The following MBNL1 variants were observed in gnomAD, a reference collection of about 807,000 sequenced individuals.
MBNL1 encodes the protein muscleblind-like protein 1.
In MBNL1, 8 loss-of-function variants were observed where a neutral mutation model predicts 42.2. The observed-to-expected ratio is 0.19, with a 90% CI of 0.11 to 0.34. The LOEUF is 0.34. MBNL1 is among the 10% of genes least tolerant of loss of function. MBNL1 has a pLI of 1.00. For synonymous variants in MBNL1, 169 were observed against 173.9 expected (o/e 0.97, Z 0.22); for missense variants, 309 against 495.3 (o/e 0.62, Z 3.57).
intron 2 of MBNL1, among the ~76,000 whole-genome samples, chr3:152,385,673 G>A (rs1296773353): frequency 6.6e-6 from 1 of 151,980 alleles, no homozygotes; most frequent in African/African-American, 2.4e-5. Flanking sequence ...CTAATAGACT[G>A]ATACTTTCAA....
At chr3:152,438,490 A>G (rs2099107609) in intron 4 of MBNL1, among the ~76,000 whole-genome samples, 1 of 152,210 alleles carries the variant, frequency 6.6e-6, no homozygotes, top group Non-Finnish European at 1.5e-5. Flanking sequence ...TTCTCCTTGG[A>G]AACATGTTTG....
At chr3:152,323,639 G>A (rs1255590691) in intron 2 of MBNL1, among the ~76,000 whole-genome samples, 1 of 152,116 alleles carries the variant, frequency 6.6e-6, no homozygotes, top group East Asian at 1.9e-4. Context: ...AACGTATACA[G>A]CCTGTTATCC....
chr3:152,265,139 AT>A (rs2036980328), upstream of MBNL1: 1 of 152,160 alleles, frequency 6.6e-6, no homozygotes, highest in Non-Finnish European at 1.5e-5. Context: ...AATGTGATAA[AT>A]TTAATGCATC....
intron 2 of MBNL1, among the ~76,000 whole-genome samples, chr3:152,330,386 C>T (rs1196393397): frequency 6.6e-6 from 1 of 152,100 alleles, no homozygotes; most frequent in African/African-American, 2.4e-5. Flanking sequence ...TGGCTTGAGC[C>T]ACTATGCTTG....
At chr3:152,460,611 T>TAAAAAAAAAAAA (rs1288958334) in intron 9 of MBNL1, among the ~76,000 whole-genome samples, 1 of 102,972 alleles carries the variant, frequency 9.7e-6, no homozygotes, top group African/African-American at 3.6e-5. Flanking sequence ...ACTTAAAGTA[T>TAAAAAAAAAAAA]AAAAAAAAAA....
intron 3 of MBNL1, among the ~76,000 whole-genome samples, chr3:152,424,709 T>C (rs2098883241): frequency 6.6e-6 from 1 of 152,166 alleles, no homozygotes. Context: ...AACAGCATAG[T>C]ACTGGTACCA....
chr3:152,277,790 A>G (rs1162022700), intron 1 of MBNL1, among the ~76,000 whole-genome samples: 1 of 152,116 alleles, frequency 6.6e-6, no homozygotes, highest in Non-Finnish European at 1.5e-5. Context: ...AAAAATTCCC[A>G]TGAAATAAAG....
chr3:152,256,140 A>G (rs942280464), intron 2 of MBNL1, among the ~76,000 whole-genome samples: 1 of 152,224 alleles, frequency 6.6e-6, no homozygotes, highest in African/African-American at 2.4e-5. Flanking sequence ...TGTTGTATGA[A>G]GAGAAACAGG....
At chr3:152,462,147 G>C (rs1042128610) in intron 9 of MBNL1, among the ~76,000 whole-genome samples, 3 of 151,938 alleles carry the variant, frequency 2.0e-5, no homozygotes, top group Non-Finnish European at 2.9e-5. Flanking sequence ...GTTTAGGATT[G>C]GTAAATTTTG....
At chr3:152,293,134 C>T (rs1376250065) in intron 1 of MBNL1, among the ~76,000 whole-genome samples, 2 of 152,162 alleles carry the variant, frequency 1.3e-5, no homozygotes, top group Non-Finnish European at 2.9e-5. Flanking sequence ...ACAGACCGGA[C>T]ACACTAGTTT....
intron 2 of MBNL1, among the ~76,000 whole-genome samples, chr3:152,371,202 A>C (rs2096646605): frequency 6.6e-6 from 1 of 152,158 alleles, no homozygotes; most frequent in African/African-American, 2.4e-5. Flanking sequence ...GGTGGTGACA[A>C]AATCTTTCAG....
At chr3:152,368,500 T>A (rs1484013874) in intron 2 of MBNL1, among the ~76,000 whole-genome samples, 8 of 152,196 alleles carry the variant, frequency 5.3e-5, no homozygotes, top group African/African-American at 1.9e-4. Context: ...TACAGGCTCT[T>A]TTTTGGATCC....
At chr3:152,361,443 C>T (rs1256251313) in intron 2 of MBNL1, among the ~76,000 whole-genome samples, 2 of 149,642 alleles carry the variant, frequency 1.3e-5, no homozygotes, top group African/African-American at 2.5e-5. Context: ...AGAAGACATA[C>T]GAGATTGAGG....
At chr3:152,260,777 A>G (rs1174500263) in intron 2 of MBNL1, among the ~76,000 whole-genome samples, 1 of 152,214 alleles carries the variant, frequency 6.6e-6, no homozygotes, top group Non-Finnish European at 1.5e-5. Flanking sequence ...CCTATGGACC[A>G]CTAATGCTTA....
At chr3:152,403,866 A>G (rs1205300916) in intron 2 of MBNL1, among the ~76,000 whole-genome samples, 1 of 147,950 alleles carries the variant, frequency 6.8e-6, no homozygotes, top group African/African-American at 2.5e-5. Flanking sequence ...ATTTTAGCAA[A>G]TGGTCATAGG....
chr3:152,387,799 A>G (rs1260222813), intron 2 of MBNL1, among the ~76,000 whole-genome samples: 1 of 152,254 alleles, frequency 6.6e-6, no homozygotes, highest in Middle Eastern at 3.4e-3. Context: ...GTGTGTATAT[A>G]TATTTATAAA....
intron 3 of MBNL1, among the ~76,000 whole-genome samples, chr3:152,424,032 C>A (rs987755471): frequency 1.3e-5 from 2 of 148,330 alleles, no homozygotes; most frequent in African/African-American, 5.1e-5. Flanking sequence ...ACAAGGATTC[C>A]CTCCCTCACC....
rs752868772 is a variant in MBNL1, at chr3:152,415,130, T to C, written c.345+19T>C. ...ACCCGTGGTAAGCATGTTTTCAGTCTTCACTCATTAAGTTTTTGATTCAAA... is the reference window on the plus strand; with the variant it reads ...ACCCGTGGTAAGCATGTTTTCAGTCCTCACTCATTAAGTTTTTGATTCAAA... On this transcript the variant is annotated intron_variant, in intron 3 of 9. Coordinates refer to ENST00000324210, the MANE Select transcript of MBNL1 (RefSeq NM_021038.5). 54 of 1,550,440 alleles carry C rather than the reference T, an allele frequency of 3.5e-5. No homozygotes were observed.
In MBNL1 at chr3:152,300,346, C is replaced by T. The variant is rs765381450; in HGVS notation, c.153C>T (p.Ile51=). 12 of 1,613,632 alleles carry T rather than the reference C, an allele frequency of 7.4e-6. No individual in the cohort carries two copies. Among genetic ancestry groups the T allele is most frequent in the African/African-American group, 6.7e-5 (5 of 74,866 alleles). The change falls in exon 2 of 10, where the codon ATC becomes ATT. Residue 51 remains isoleucine (I), a synonymous_variant. Transcript: ENST00000324210. ...GCCAAGTTGAAAATGGACGAGTAATCGCCTGCTTTGATTCATTGAAAGTGA... is the reference window on the plus strand; with the variant it reads ...GCCAAGTTGAAAATGGACGAGTAATTGCCTGCTTTGATTCATTGAAAGTGA... The part of the protein sequence containing the change: ...KSCQVENGRV[I]ACFDSLKGRC...
Sources: allele counts gnomAD v4.1 joint callset (sites outside exome capture counted in the v4.1 genomes callset), GRCh38; gene constraint gnomAD v4.1.1; transcripts MANE v1.5; gene names NCBI Gene and HGNC (gene_info 2026-07-23, HGNC 2026-07-21).